L3MBTL3: variants seen among roughly 807,000 people sequenced by gnomAD.
The protein encoded by L3MBTL3 is L3MBTL histone methyl-lysine binding protein 3, also known as lethal(3)malignant brain tumor-like protein 3.
A neutral mutation model predicts 102.3 loss-of-function variants in L3MBTL3; 27 were observed. The observed-to-expected ratio is 0.26, with a 90% CI of 0.19 to 0.36. L3MBTL3 has a LOEUF of 0.36. Ranked by LOEUF, L3MBTL3 falls within the 10% of genes least tolerant of loss-of-function variation. The pLI, the probability that L3MBTL3 is intolerant of heterozygous loss-of-function variation, is 1.00. For synonymous variants in L3MBTL3, 340 were observed against 320.9 expected (o/e 1.06, Z -0.64); for missense variants, 798 against 955.3 (o/e 0.84, Z 2.17).
intron 19 of L3MBTL3, among the ~76,000 whole-genome samples, chr6:130,109,965 G>A (rs117424517): frequency 0.019 from 2,878 of 152,154 alleles, 38 homozygotes; most frequent in Middle Eastern, 0.075. Context: ...ATCGTTTCCC[G>A]CTTGCTTGTT....
At position 130,059,829 on chromosome 6, in the gene L3MBTL3, G is replaced by C. The variant is rs75872668; in HGVS notation, c.760-207G>C. Among the ~76,000 whole-genome samples, 10 of 152,236 alleles carry C rather than the reference G, an allele frequency of 6.6e-5. No homozygotes were observed. In the East Asian group the frequency reaches 1.7e-3, roughly 26 times the overall value. On this transcript the variant is annotated intron_variant, in intron 9 of 22. Coordinates refer to ENST00000361794, the MANE Select transcript of L3MBTL3 (RefSeq NM_032438.4). ...TTTTCAAATATGTAAAAGACAAAGG[G>C]TGTATGGCATTACATTTCCTTTCCT...
intron 18 of L3MBTL3, among the ~76,000 whole-genome samples, chr6:130,095,976 G>A (rs1485556882): frequency 6.6e-6 from 1 of 152,190 alleles, no homozygotes; most frequent in Non-Finnish European, 1.5e-5. Context: ...TAGAAACTCA[G>A]TAAATATTTT....
At chr6:130,042,620 G>A in intron 2 of L3MBTL3, 65 bp from the exon 3 acceptor site, 2 of 924,278 alleles carry the variant, frequency 2.2e-6, no homozygotes, top group Non-Finnish European at 3.6e-6. Flanking sequence ...GAACTAACGA[G>A]TACTAAATTA....
chr6:130,126,802 G>C (rs1786637314), intron 20 of L3MBTL3, among the ~76,000 whole-genome samples: 1 of 151,942 alleles, frequency 6.6e-6, no homozygotes, highest in Non-Finnish European at 1.5e-5. Flanking sequence ...TGAGATGACT[G>C]ACAATAGATT....
intron 10 of L3MBTL3, among the ~76,000 whole-genome samples, chr6:130,062,988 TTC>T (rs1209356942): frequency 1.5e-4 from 10 of 65,356 alleles, no homozygotes; most frequent in Admixed American, 8.7e-4. Context: ...CTTCTTGCCT[TTC>T]TTTTTTTTTT....
intron 3 of L3MBTL3, among the ~76,000 whole-genome samples, chr6:130,044,763 T>C (rs1445837974): frequency 6.6e-6 from 1 of 152,192 alleles, no homozygotes; most frequent in African/African-American, 2.4e-5. Context: ...CAATTGATTA[T>C]ATCACTGAAG....
At chr6:130,054,822 G>A (rs1361968553) in intron 7 of L3MBTL3, among the ~76,000 whole-genome samples, 8 of 152,156 alleles carry the variant, frequency 5.3e-5, no homozygotes, top group Admixed American at 5.2e-4. Flanking sequence ...AGTAGAGAAG[G>A]GAACTGGATT....
In L3MBTL3 at chr6:130,049,339, A is replaced by G. The variant is rs1409887720; in HGVS notation, c.160A>G (p.Asn54Asp). The G allele has an allele frequency of 6.2e-6, 10 of 1,613,786 alleles. No homozygotes were observed. The highest frequency in any genetic ancestry group is 8.5e-6 in the Non-Finnish European group (10 of 1,179,844). The change falls in exon 4 of 23, where the codon AAT becomes GAT. Residue 54 changes from asparagine to aspartate, a missense_variant. By Grantham distance (23) the Asn-to-Asp change is conservative. Coordinates refer to ENST00000361794, the MANE Select transcript of L3MBTL3 (RefSeq NM_032438.4). ...EVITDENEME[N>D]VKKATATTTW... ...TATTACAGATGAGAATGAGATGGAA[A>G]ATGTTAAAAAAGCAACTGCTACCAC...
intron 14 of L3MBTL3, among the ~76,000 whole-genome samples, chr6:130,082,962 C>G (rs974306545): frequency 6.6e-6 from 1 of 152,104 alleles, no homozygotes; most frequent in Non-Finnish European, 1.5e-5. Context: ...TTTCTCAGTC[C>G]CCTTTATGTG....
At chr6:130,138,364 G>C (rs1448850433) in intron 22 of L3MBTL3, 2 of 152,258 alleles carry the variant, frequency 1.3e-5, no homozygotes, top group Non-Finnish European at 2.9e-5. Flanking sequence ...GCTTCCTCCC[G>C]AGGGCTGTGA....
At chr6:130,108,872 A>G (rs1785168609) in intron 19 of L3MBTL3, among the ~76,000 whole-genome samples, 1 of 151,802 alleles carries the variant, frequency 6.6e-6, no homozygotes, top group Admixed American at 6.6e-5. Context: ...TCCCCCGCTG[A>G]CAGGCCCCCG....
At chr6:130,081,555 A>G (rs1485187420) in intron 14 of L3MBTL3, among the ~76,000 whole-genome samples, 1 of 150,780 alleles carries the variant, frequency 6.6e-6, no homozygotes, top group Non-Finnish European at 1.5e-5. Context: ...AGTAGCTGGG[A>G]CTACAGGCAC....
intron 1 of L3MBTL3, among the ~76,000 whole-genome samples, chr6:130,021,892 G>A (rs1216517601): frequency 1.3e-5 from 2 of 152,098 alleles, no homozygotes; most frequent in African/African-American, 2.4e-5. Context: ...TTTCCAGTGT[G>A]TTTTCTGTAA....
At chr6:130,104,400 T>C in intron 18 of L3MBTL3, 26 bp from the exon 19 acceptor site, 1 of 1,486,512 alleles carries the variant, frequency 6.7e-7, no homozygotes, top group Non-Finnish European at 9.0e-7. Context: ...ATGTTCTTTT[T>C]TTTTTCTTTT....
At chr6:130,026,233 G>C (rs1284703691) in intron 2 of L3MBTL3, among the ~76,000 whole-genome samples, 2 of 152,110 alleles carry the variant, frequency 1.3e-5, no homozygotes, top group African/African-American at 2.4e-5. Context: ...AGTGCTTTCT[G>C]TATGCCCAGG....
chr6:130,051,107 C>G (rs995533407), intron 5 of L3MBTL3, 142 bp from the exon 6 acceptor site: 2 of 624,564 alleles, frequency 3.2e-6, no homozygotes, highest in Non-Finnish European at 5.4e-6. Flanking sequence ...CCCGAAAACA[C>G]TATCATTTGA....
chr6:130,094,129 T>C (rs1784214204), intron 17 of L3MBTL3, 136 bp from the exon 18 acceptor site: 1 of 517,364 alleles, frequency 1.9e-6, no homozygotes, highest in South Asian at 3.7e-5. Flanking sequence ...ATCTACTTTT[T>C]CTGTTTATGT....
At chr6:130,074,453 C>G (rs981826794) in intron 13 of L3MBTL3, among the ~76,000 whole-genome samples, 2 of 152,094 alleles carry the variant, frequency 1.3e-5, no homozygotes, top group African/African-American at 2.4e-5. Flanking sequence ...AGGAATAATC[C>G]TAGATGTAAT....
intron 18 of L3MBTL3, among the ~76,000 whole-genome samples, chr6:130,097,512 A>G (rs1489817912): frequency 2.6e-5 from 4 of 152,244 alleles, no homozygotes; most frequent in African/African-American, 9.6e-5. Flanking sequence ...GTGTTAAAAC[A>G]AAACGTGTCT....
Sources: allele counts gnomAD v4.1 joint callset (sites outside exome capture counted in the v4.1 genomes callset), GRCh38; gene constraint gnomAD v4.1.1; transcripts MANE v1.5; gene names NCBI Gene and HGNC (gene_info 2026-07-23, HGNC 2026-07-21).